SYNDIG1: variants seen among roughly 807,000 people sequenced by gnomAD.
The protein encoded by SYNDIG1 is synapse differentiation-inducing gene protein 1.
A neutral mutation model predicts 19.4 loss-of-function variants in SYNDIG1; 9 were observed. The observed-to-expected ratio is 0.46, with a 90% CI of 0.28 to 0.81. SYNDIG1 has a LOEUF of 0.81. Among genes scored for constraint, SYNDIG1 ranks in the 30% least tolerant of loss-of-function variants. The pLI, the probability that SYNDIG1 is intolerant of heterozygous loss-of-function variation, is 0.12. For missense variants in SYNDIG1, 311 were observed against 343.3 expected (o/e 0.91, Z 0.74); for synonymous variants, 141 against 145.9 (o/e 0.97, Z 0.24).
intron 3 of SYNDIG1, among the ~76,000 whole-genome samples, chr20:24,610,335 A>T (rs2058826139): frequency 6.6e-6 from 1 of 152,214 alleles, no homozygotes; most frequent in South Asian, 2.1e-4. Flanking sequence ...TGTGAAAACC[A>T]AAAGGGATAT....
At chr20:24,553,033 T>A (rs182661678) in intron 2 of SYNDIG1, among the ~76,000 whole-genome samples, 2,403 of 151,888 alleles carry the variant, frequency 0.016, 51 homozygotes, top group Non-Finnish European at 0.02. Context: ...CTCATTGTGG[T>A]TTTGATTTGC....
intron 2 of SYNDIG1, among the ~76,000 whole-genome samples, chr20:24,559,739 G>T (rs890407142): frequency 2.6e-5 from 4 of 152,110 alleles, no homozygotes; most frequent in Non-Finnish European, 5.9e-5. Context: ...AGGTTGTTTT[G>T]TTGGATATCG....
intron 1 of SYNDIG1, among the ~76,000 whole-genome samples, chr20:24,510,277 A>G (rs772451099): frequency 1.3e-5 from 2 of 151,724 alleles, no homozygotes; most frequent in African/African-American, 2.4e-5. Context: ...ATTTGAAATT[A>G]TTTTCTCTGG....
chr20:24,499,978 C>T (rs541886475), intron 1 of SYNDIG1, among the ~76,000 whole-genome samples: 16 of 152,266 alleles, frequency 1.1e-4, no homozygotes, highest in South Asian at 1.0e-3. Flanking sequence ...CTGCTCACTC[C>T]GTACCCACTC....
At chr20:24,615,908 G>T (rs2058925616) in intron 3 of SYNDIG1, among the ~76,000 whole-genome samples, 1 of 148,846 alleles carries the variant, frequency 6.7e-6, no homozygotes, top group Admixed American at 6.8e-5. Flanking sequence ...CACGAGCCTG[G>T]GTGGAAAATT....
intron 2 of SYNDIG1, among the ~76,000 whole-genome samples, chr20:24,548,504 G>A (rs556123306): frequency 1.7e-4 from 26 of 152,324 alleles, no homozygotes; most frequent in Admixed American, 6.5e-5. Flanking sequence ...AAAGAGGGGC[G>A]AGGACTCAAC....
intron 2 of SYNDIG1, among the ~76,000 whole-genome samples, chr20:24,546,224 T>A (rs1801660830): frequency 6.6e-6 from 1 of 152,246 alleles, no homozygotes; most frequent in Admixed American, 6.5e-5. Flanking sequence ...AAAATACTAA[T>A]GACTGGTTAG....
At chr20:24,552,103 T>C (rs868101493) in intron 2 of SYNDIG1, among the ~76,000 whole-genome samples, 20 of 152,308 alleles carry the variant, frequency 1.3e-4, no homozygotes, top group Middle Eastern at 3.4e-3. Flanking sequence ...TTCTTTCTTT[T>C]ATTTTGTCAG....
intron 1 of SYNDIG1, among the ~76,000 whole-genome samples, chr20:24,527,916 G>T (rs186989997): frequency 5.3e-5 from 8 of 152,256 alleles, no homozygotes; most frequent in Admixed American, 3.9e-4. Flanking sequence ...GACCACATCC[G>T]TAAAGAATCT....
intron 3 of SYNDIG1, among the ~76,000 whole-genome samples, chr20:24,633,544 G>A (rs1600802418): frequency 6.6e-6 from 1 of 152,158 alleles, no homozygotes; most frequent in African/African-American, 2.4e-5. Flanking sequence ...GTCCCCTTTT[G>A]ATTCTAGTTG....
At chr20:24,646,648 C>T (rs1039468777) in intron 3 of SYNDIG1, among the ~76,000 whole-genome samples, 3 of 151,730 alleles carry the variant, frequency 2.0e-5, no homozygotes, top group African/African-American at 7.3e-5. Flanking sequence ...TTGAGATCCA[C>T]TCTCACTCTG....
chr20:24,567,660 A>G (rs1229606490), intron 2 of SYNDIG1, among the ~76,000 whole-genome samples: 1 of 152,140 alleles, frequency 6.6e-6, no homozygotes, highest in East Asian at 1.9e-4. Context: ...CCTGCCCCAT[A>G]TGGAGTCCAT....
chr20:24,498,950 T>C (rs2056373084), intron 1 of SYNDIG1, among the ~76,000 whole-genome samples: 1 of 152,206 alleles, frequency 6.6e-6, no homozygotes, highest in Admixed American at 6.5e-5. Flanking sequence ...TTCCATTTTT[T>C]GAGAAACTGT....
chr20:24,556,056 G>A (rs531926471), intron 2 of SYNDIG1, among the ~76,000 whole-genome samples: 10 of 152,196 alleles, frequency 6.6e-5, no homozygotes, highest in East Asian at 1.9e-4. Context: ...TTACCGTTAC[G>A]TAATGGCCTT....
intron 2 of SYNDIG1, among the ~76,000 whole-genome samples, chr20:24,552,286 T>C (rs1191877409): frequency 6.6e-6 from 1 of 152,188 alleles, no homozygotes; most frequent in Non-Finnish European, 1.5e-5. Context: ...GAGACGATTA[T>C]TGCCAAGGAA....
Position 24,543,251 on chromosome 20 carries a change from C to A in SYNDIG1, c.154C>A (p.Arg52=). The change falls in exon 2 of 4, where the codon CGG becomes AGG. Residue 52 remains arginine, a synonymous_variant. Transcript: ENST00000376862. ...CCCAGCGCCCCAGTACCAGAGCCAC[C>A]GGGTGGGGGCCAGCACAGTGCCGGC... ...VYPAPQYQSH[R]VGASTVPASL... is the part of the protein sequence containing the mutation. The A allele has an allele frequency of 4.3e-6, 7 of 1,613,722 alleles. No individual in the cohort carries two copies. The highest frequency in any genetic ancestry group is 5.9e-6 in the Non-Finnish European group (7 of 1,180,014).
chr20:24,474,185 A>G (rs1260780683), intron 1 of SYNDIG1, among the ~76,000 whole-genome samples: 2 of 152,254 alleles, frequency 1.3e-5, no homozygotes, highest in Non-Finnish European at 2.9e-5. Flanking sequence ...TACATGATGC[A>G]TTCTCTAAGA....
intron 3 of SYNDIG1, among the ~76,000 whole-genome samples, chr20:24,631,777 A>G (rs2059247987): frequency 5.9e-5 from 9 of 152,206 alleles, no homozygotes; most frequent in Admixed American, 5.9e-4. Flanking sequence ...TAATAAGTAT[A>G]TACACTTCTA....
intron 2 of SYNDIG1, among the ~76,000 whole-genome samples, chr20:24,563,086 A>G (rs945221986): frequency 5.3e-5 from 8 of 152,198 alleles, no homozygotes; most frequent in East Asian, 1.9e-4. Flanking sequence ...CTCTTGTCTC[A>G]AGTAGTACTC....
Sources: gnomAD v4.1 joint callset for allele counts (sites outside exome capture counted in the v4.1 genomes callset) on GRCh38, gnomAD v4.1.1 for gene constraint, MANE v1.5 for transcripts, NCBI Gene and HGNC (gene_info 2026-07-23, HGNC 2026-07-21) for gene names.